The following GFM1 variants were observed in gnomAD, a reference collection of about 807,000 sequenced individuals.
The protein encoded by GFM1 is G elongation factor mitochondrial 1.
GFM1 carries 62 observed loss-of-function variants against 96.2 expected under a neutral mutation model. The observed-to-expected ratio is 0.64, with a 90% CI of 0.53 to 0.80. The LOEUF (loss-of-function observed/expected upper bound fraction) is 0.80. Among genes scored for constraint, GFM1 ranks in the 30% least tolerant of loss-of-function variants. The pLI is 0.00. For missense variants in GFM1, 852 were observed against 916.6 expected, an observed-to-expected ratio of 0.93 and a Z score of 0.91; for synonymous variants, 282 against 312.9, an observed-to-expected ratio of 0.90 and a Z score of 1.04.
At position 158,694,176 on chromosome 3, in the gene GFM1, A is replaced by G. The variant is rs968888006; in HGVS notation, c.*2709A>G. Among the ~76,000 whole-genome samples the G allele has an allele frequency of 3.3e-5, 5 of 152,200 alleles. No homozygotes were observed. The highest frequency in any genetic ancestry group is 1.2e-4 in the African/African-American group (5 of 41,438). On this transcript the variant is annotated 3_prime_UTR_variant, in exon 18 of 18. Transcript: ENST00000486715. ...TCATAATGGCAAAGATATGGAATCA[A>G]CCTAAATGCCTATCACTGATAGACT...
At chr3:158,665,647 T>C (rs1723606410) in intron 12 of GFM1, among the ~76,000 whole-genome samples, 173 bp downstream of exon 12, 1 of 152,194 alleles carries the variant, frequency 6.6e-6, no homozygotes, top group Admixed American at 6.5e-5. Flanking sequence ...AAAATAATTA[T>C]TTTCGATCTC....
chr3:158,662,632 C>CTGA lies in GFM1; in HGVS notation c.1328_1329insTGA (p.Ser443_Ile444insGlu). 3.2e-6 allele frequency: 5 copies of CTGA among 1,584,620 alleles called. No homozygotes were observed. The highest frequency in any genetic ancestry group is 4.3e-6 in the Non-Finnish European group (5 of 1,154,014). On this transcript the variant is annotated inframe_insertion, in exon 11 of 18. Coordinates refer to ENST00000486715, the MANE Select transcript of GFM1 (RefSeq NM_024996.7). ...TTCTTTTAAAAAATATTTTAGGAGT[C>CTGA]AATTCATGTTCCTGATCCTGTCATT...
chr3:158,658,866 T>C, intron 8 of GFM1, 56 bp from the exon 9 acceptor site: 1 of 1,594,054 alleles, frequency 6.3e-7, no homozygotes, highest in Non-Finnish European at 8.6e-7. Context: ...TCCTCAATAC[T>C]TTGATTATTA....
In GFM1 at chr3:158,693,915, G is replaced by GC. The variant is rs539104674; in HGVS notation, c.*2449dup. On this transcript the variant is annotated 3_prime_UTR_variant, in exon 18 of 18. Coordinates refer to ENST00000486715, the MANE Select transcript of GFM1 (RefSeq NM_024996.7). ...ACCGCTGAAATATTGCCTGCACTGC[G>GC]CTTAAGCCCAAGACATGAAATGAAA... 35 of 152,118 alleles carry GC rather than the reference G, an allele frequency of 2.3e-4. No individual in the cohort carries two copies. The highest frequency in any genetic ancestry group is 8.2e-4 in the African/African-American group (34 of 41,510). 9.4% of individuals were successfully genotyped at this position (152,118 alleles called of 1,614,324 possible).
intron 5 of GFM1, chr3:158,650,460 A>G (rs981927711): frequency 1.0e-5 from 2 of 192,146 alleles, no homozygotes; most frequent in South Asian, 1.0e-4. Context: ...TCAGAACCAC[A>G]GATGCAGCAT....
At chr3:158,655,229 C>G (rs894394775) in intron 8 of GFM1, among the ~76,000 whole-genome samples, 2 of 151,954 alleles carry the variant, frequency 1.3e-5, no homozygotes, top group African/African-American at 4.8e-5. Flanking sequence ...GCGGGCAGAT[C>G]AGAAGGTCAG....
chr3:158,655,208 G>A (rs1176622395), intron 8 of GFM1, among the ~76,000 whole-genome samples: 1 of 152,058 alleles, frequency 6.6e-6, no homozygotes, highest in Non-Finnish European at 1.5e-5. Context: ...CCAGCACTTT[G>A]GGAGGCTGAG....
Position 158,660,877 on chromosome 3 carries a change from G to A in GFM1, c.1225G>A (p.Val409Ile). The A allele has an allele frequency of 1.2e-6, 2 of 1,612,694 alleles. No homozygotes were observed. The highest frequency in any genetic ancestry group is 2.2e-5 in the East Asian group (1 of 44,828). The change falls in exon 10 of 18, where the codon GTT becomes ATT. Residue 409 changes from valine (V) to isoleucine (I), a missense_variant. Coordinates refer to ENST00000486715, the MANE Select transcript of GFM1 (RefSeq NM_024996.7). The part of the protein sequence containing the change: ...ARMHADMMED[V>I]EEVYAGDICA... ...TTTGTGTTATTTGTTTTTTTAGGAT[G>A]TTGAGGAAGTATATGCCGGAGACAT... is the stretch of plus-strand genomic sequence containing the variant.
In GFM1 at chr3:158,644,612, T is replaced by C; in HGVS notation, c.-23T>C. 3 of 1,557,886 alleles carry C rather than the reference T, an allele frequency of 1.9e-6. No individual in the cohort carries two copies. The highest frequency in any genetic ancestry group is 2.6e-6 in the Non-Finnish European group (3 of 1,151,052). ...TGAACCCACCCGGCGCCACGGGACT[T>C]TGACGCGTGCTCTGCGCTTGCCATG... On this transcript the variant is annotated 5_prime_UTR_variant, in exon 1 of 18. Transcript: ENST00000486715.
intron 4 of GFM1, among the ~76,000 whole-genome samples, chr3:158,647,207 A>T (rs1224024451): frequency 6.6e-6 from 1 of 152,176 alleles, no homozygotes. Context: ...AAACAGTCTG[A>T]CCGTTTATAC....
intron 12 of GFM1, among the ~76,000 whole-genome samples, 178 bp downstream of exon 12, chr3:158,665,652 G>A (rs1423372534): frequency 1.3e-5 from 2 of 152,022 alleles, no homozygotes; most frequent in Non-Finnish European, 2.9e-5. Context: ...AATTATTTTC[G>A]ATCTCTAAAT....
At chr3:158,647,587 A>G (rs988579762) in intron 4 of GFM1, among the ~76,000 whole-genome samples, 36 of 152,358 alleles carry the variant, frequency 2.4e-4, no homozygotes, top group African/African-American at 8.4e-4. Context: ...ATGGATATGT[A>G]GGTGTAAAGT....
At position 158,649,090 on chromosome 3, in the gene GFM1, G is replaced by A. The variant is rs191462023; in HGVS notation, c.622G>A (p.Glu208Lys). The change falls in exon 5 of 18, where the codon GAG becomes AAG. Residue 208 changes from glutamate (E) to lysine (K), a missense_variant. By Grantham distance (56) the Glu-to-Lys change is moderately conservative. Transcript: ENST00000486715. ...AAFMQIPMGL[E>K]GNFKGIVDLI... ...GTTTATGCAGATACCCATGGGTTTG[G>A]AGGGTAATTTTAAAGGTATTGTAGA... is the stretch of plus-strand genomic sequence containing the variant. 125 of 1,580,836 alleles carry A rather than the reference G, an allele frequency of 7.9e-5. No individual in the cohort carries two copies. The East Asian group carries it at 2.5e-3, about 32-fold the overall frequency.
At chr3:158,647,906 G>A (rs2108006338) in intron 4 of GFM1, among the ~76,000 whole-genome samples, 1 of 152,102 alleles carries the variant, frequency 6.6e-6, no homozygotes, top group Admixed American at 6.5e-5. Context: ...TAAAAATCTG[G>A]AACTTCTAGA....
At chr3:158,653,513 T>C (rs752014865) in intron 7 of GFM1, 46 bp downstream of exon 7, 1 of 1,399,058 alleles carries the variant, frequency 7.1e-7, no homozygotes. Flanking sequence ...AATACTTTCG[T>C]ATTTATGCAC....
chr3:158,671,157 A>G, intron 13 of GFM1: 5 of 1,190,592 alleles, frequency 4.2e-6, no homozygotes, highest in Non-Finnish European at 4.3e-6. Flanking sequence ...TGAAAAAGGC[A>G]TGTCACCATG....
intron 15 of GFM1, among the ~76,000 whole-genome samples, chr3:158,688,795 A>G (rs1726073977): frequency 2.0e-5 from 3 of 152,238 alleles, no homozygotes; most frequent in Admixed American, 2.0e-4. Context: ...TTTCAGAACA[A>G]AATTCACTCA....
In GFM1 at chr3:158,695,044, A is replaced by G. The variant is rs1385686151; in HGVS notation, c.*3577A>G. ...ATTAGCTAGTGAAACCAATGTTGGT[A>G]AAATTAAGTTAACAATTTTAGAGTT... is the stretch of plus-strand genomic sequence containing the variant. On this transcript the variant is annotated 3_prime_UTR_variant, in exon 18 of 18. Coordinates refer to ENST00000486715, the MANE Select transcript of GFM1 (RefSeq NM_024996.7). Among the ~76,000 whole-genome samples the G allele has an allele frequency of 1.3e-5, 2 of 152,236 alleles. No individual in the cohort carries two copies. Among genetic ancestry groups the G allele is most frequent in the Non-Finnish European group, 2.9e-5 (2 of 68,042 alleles).
chr3:158,669,130 TGTCTG>T, intron 13 of GFM1: 1 of 1,613,162 alleles, frequency 6.2e-7, no homozygotes, highest in Admixed American at 1.7e-5. Flanking sequence ...TTTCCAAAAT[TGTCTG>T]GTAGGAGACA....
Sources: gnomAD v4.1 joint callset for allele counts (sites outside exome capture counted in the v4.1 genomes callset) on GRCh38, gnomAD v4.1.1 for gene constraint, MANE v1.5 for transcripts, NCBI Gene and HGNC (gene_info 2026-07-23, HGNC 2026-07-21) for gene names.